The following HPSE2 variants were observed in gnomAD, a reference collection of about 807,000 sequenced individuals.
The protein encoded by HPSE2 is inactive heparanase-2.
A neutral mutation model predicts 60.5 loss-of-function variants in HPSE2; 38 were observed. The ratio of observed to expected loss-of-function variants is 0.63; its 90% CI spans 0.48 to 0.82. The LOEUF (loss-of-function observed/expected upper bound fraction) is 0.82. HPSE2 is among the 40% of genes least tolerant of loss of function. HPSE2 has a pLI of 0.00. For missense variants in HPSE2, 713 were observed against 740.4 expected (o/e 0.96, Z 0.43); for synonymous variants, 295 against 293.2 (o/e 1.01, Z -0.06).
At chr10:99,177,229 A>C (rs951252436) in intron 2 of HPSE2, among the ~76,000 whole-genome samples, 2 of 152,170 alleles carry the variant, frequency 1.3e-5, no homozygotes, top group African/African-American at 2.4e-5. Flanking sequence ...GGAAAAAAAA[A>C]ACAGCTAACA....
At chr10:99,153,562 TAACA>T (rs1846381102) in intron 2 of HPSE2, among the ~76,000 whole-genome samples, 1 of 151,322 alleles carries the variant, frequency 6.6e-6, no homozygotes, top group East Asian at 1.9e-4. Flanking sequence ...GAAGGAAAAC[TAACA>T]AACAGAAAGG....
chr10:99,210,312 C>T lies in HPSE2; in HGVS notation c.448+22036G>A, dbSNP rs533804654. Among the ~76,000 whole-genome samples the T allele has an allele frequency of 1.1e-4, 16 of 152,196 alleles. No individual in the cohort carries two copies. The South Asian group carries it at 1.2e-3, about 12-fold the overall frequency. Reference sequence around the variant, plus strand: ...TCTCCTCAAAGAAAAGGCCAGGATCCGACAGCTTCCCTGCTAAATTCTACC... The same window carrying T: ...TCTCCTCAAAGAAAAGGCCAGGATCTGACAGCTTCCCTGCTAAATTCTACC... On this transcript the variant is annotated intron_variant, in intron 2 of 11. Coordinates refer to ENST00000370552, the MANE Select transcript of HPSE2 (RefSeq NM_021828.5).
chr10:99,308,434 C>G, the HPSE2 span, among the ~76,000 whole-genome samples: 2 of 122,248 alleles, frequency 1.6e-5, no homozygotes, highest in Non-Finnish European at 3.5e-5. Context: ...ATGAAATAAG[C>G]AAACTGTGGC....
intron 2 of HPSE2, among the ~76,000 whole-genome samples, chr10:99,156,378 A>G (rs1846561506): frequency 1.4e-5 from 2 of 143,414 alleles, no homozygotes; most frequent in South Asian, 4.8e-4. Context: ...CGAATCCAGC[A>G]GCACATCAAA....
At chr10:98,721,617 A>G (rs767532836) in intron 5 of HPSE2, 40 bp downstream of exon 5, 5 of 1,563,794 alleles carry the variant, frequency 3.2e-6, no homozygotes, top group Non-Finnish European at 3.5e-6. Flanking sequence ...AATTCATTAA[A>G]TGAACAATGT....
In HPSE2 at chr10:99,235,700, G is replaced by T. The variant is rs1465062636; in HGVS notation, c.103C>A (p.Leu35Ile). Residue 35 changes from leucine (L) to isoleucine (I), a missense_variant, in exon 1 of 12, where the codon CTC (leucine) becomes ATC (isoleucine). Leu to Ile is a conservative substitution (Grantham distance 5). Coordinates refer to ENST00000370552, the MANE Select transcript of HPSE2 (RefSeq NM_021828.5). ...GALYLALLLHLSLSSQAGDRR... is the reference protein window; with the variant it reads ...GALYLALLLHISLSSQAGDRR... The stretch of plus-strand genomic sequence containing the variant: ...TCTCCAGCCTGGGAGGAAAGGGAGA[G>T]ATGGAGCAACAGAGCCAAGTAGAGA... 6.2e-7 allele frequency: 1 copy of T among 1,613,966 alleles called. No homozygotes were observed. The highest frequency in any genetic ancestry group is 1.3e-5 in the African/African-American group (1 of 74,884).
Position 98,697,858 on chromosome 10 carries a change from A to T in HPSE2, c.957-3911T>A, listed in dbSNP as rs188231620. On this transcript the variant is annotated intron_variant, in intron 5 of 11. Transcript: ENST00000370552. ...AAGAGAGTGGGGGCCAATATTCAAC[A>T]TTCTTAAACCAACAAAGATCAAAAG... Among the ~76,000 whole-genome samples, 359 of 152,278 alleles carry T rather than the reference A, an allele frequency of 2.4e-3. 2 individuals carry two copies. The highest frequency in any genetic ancestry group is 3.9e-3 in the Admixed American group (59 of 15,292).
At chr10:98,641,439 T>C (rs1946634129) in intron 7 of HPSE2, among the ~76,000 whole-genome samples, 3 of 151,764 alleles carry the variant, frequency 2.0e-5, no homozygotes, top group African/African-American at 7.3e-5. Flanking sequence ...ATATAAAAAT[T>C]GGCTGGGCAT....
chr10:98,705,675 T>C (rs1324390083), intron 5 of HPSE2, among the ~76,000 whole-genome samples: 2 of 152,166 alleles, frequency 1.3e-5, no homozygotes, highest in Non-Finnish European at 2.9e-5. Context: ...AAACACTGCA[T>C]GTTCTCACTC....
intron 11 of HPSE2, among the ~76,000 whole-genome samples, chr10:98,482,052 T>C (rs1941256992): frequency 2.0e-5 from 3 of 152,162 alleles, no homozygotes. Flanking sequence ...ATAATCTCTG[T>C]CCTATTATTC....
At chr10:99,130,992 A>C (rs1845361511) in intron 3 of HPSE2, among the ~76,000 whole-genome samples, 1 of 152,210 alleles carries the variant, frequency 6.6e-6, no homozygotes, top group Non-Finnish European at 1.5e-5. Flanking sequence ...TTAAAGGAAA[A>C]GGGAGAGTCT....
intron 8 of HPSE2, among the ~76,000 whole-genome samples, chr10:98,616,935 C>T (rs1345167195): frequency 6.6e-6 from 1 of 152,196 alleles, no homozygotes; most frequent in African/African-American, 2.4e-5. Flanking sequence ...TTGTCAAAGG[C>T]TGTCCTGTGG....
At chr10:98,798,692 G>A (rs183673744) in intron 3 of HPSE2, among the ~76,000 whole-genome samples, 1 of 152,208 alleles carries the variant, frequency 6.6e-6, no homozygotes, top group Admixed American at 6.5e-5. Flanking sequence ...GATAATATTT[G>A]CAAGCCTCAT....
chr10:99,027,709 CACCACT>C (rs1197466011), intron 3 of HPSE2, among the ~76,000 whole-genome samples: 2 of 151,158 alleles, frequency 1.3e-5, no homozygotes, highest in African/African-American at 4.9e-5. Context: ...CCACCACCAC[CACCACT>C]ACGGGCCAAT....
chr10:99,100,241 T>C (rs1484132886), intron 3 of HPSE2, among the ~76,000 whole-genome samples: 2 of 151,968 alleles, frequency 1.3e-5, no homozygotes, highest in African/African-American at 4.8e-5. Flanking sequence ...CTAAAAACCT[T>C]GAAAAAAGAT....
intron 9 of HPSE2, among the ~76,000 whole-genome samples, chr10:98,564,364 T>C (rs1167764384): frequency 2.6e-5 from 4 of 152,236 alleles, no homozygotes; most frequent in Non-Finnish European, 5.9e-5. Flanking sequence ...ACTAAATTTA[T>C]AGGCATTTTT....
chr10:98,490,551 T>C (rs1941608748), intron 9 of HPSE2, among the ~76,000 whole-genome samples: 1 of 152,228 alleles, frequency 6.6e-6, no homozygotes. Flanking sequence ...CCTATGACTT[T>C]ACTTTTATAG....
At chr10:98,615,423 C>G (rs969003337) in intron 8 of HPSE2, among the ~76,000 whole-genome samples, 24 of 152,198 alleles carry the variant, frequency 1.6e-4, no homozygotes, top group African/African-American at 5.5e-4. Context: ...TCAAACTCCC[C>G]TGCTTATACC....
chr10:98,933,883 C>T (rs1216244470), intron 3 of HPSE2, among the ~76,000 whole-genome samples: 1 of 141,520 alleles, frequency 7.1e-6, no homozygotes, highest in Non-Finnish European at 1.5e-5. Context: ...AGGCGCCCAC[C>T]ACCACACCCG....
Sources: gnomAD v4.1 joint callset for allele counts (sites outside exome capture counted in the v4.1 genomes callset) on GRCh38, gnomAD v4.1.1 for gene constraint, MANE v1.5 for transcripts, NCBI Gene and HGNC (gene_info 2026-07-23, HGNC 2026-07-21) for gene names.